The following FKBP11 variants were observed in gnomAD, a reference collection of about 807,000 sequenced individuals.
FKBP11 encodes the protein peptidyl-prolyl cis-trans isomerase FKBP11.
FKBP11 carries 21 observed loss-of-function variants against 24.7 expected under a neutral mutation model. The ratio of observed to expected loss-of-function variants is 0.85; its 90% confidence interval spans 0.60 to 1.23. The LOEUF is 1.23. Ranked by LOEUF, FKBP11 falls within the 50% of genes most tolerant of loss-of-function variation. The probability of loss-of-function intolerance (pLI) is 0.00; values close to 1 mark genes in which losing one functional copy is unlikely to be tolerated. For synonymous variants in FKBP11, 106 were observed against 100.6 expected (o/e 1.05, Z -0.32); for missense variants, 245 against 248.7 (o/e 0.99, Z 0.10).
chr12:48,924,564 G>T lies in FKBP11; in HGVS notation c.280C>A (p.Pro94Thr). ...VIELGQKQVI[P>T]GLEQSLLDMC... ...ATGGGAGGCACAGGTCACATACCTG[G>T]AATCACCTGCTTTTGGCCAAGTTCT... The change falls in exon 3 of 6, where the codon CCA becomes ACA. Residue 94 changes from proline to threonine, a missense_variant. By Grantham distance (38) the Pro-to-Thr change is conservative. Transcript: ENST00000550765. The T allele has an allele frequency of 1.2e-6, 2 of 1,613,622 alleles. No individual in the cohort carries two copies. Among genetic ancestry groups the T allele is most frequent in the Non-Finnish European group, 1.7e-6 (2 of 1,179,536 alleles).
chr12:48,930,360 G>A (rs1428205914), upstream of FKBP11, among the ~76,000 whole-genome samples: 1 of 152,210 alleles, frequency 6.6e-6, no homozygotes, highest in Non-Finnish European at 1.5e-5. Context: ...AGCTGAGGAT[G>A]GTTACGTTTG....
chr12:48,929,724 T>C (rs959044654), upstream of FKBP11, among the ~76,000 whole-genome samples: 43 of 152,226 alleles, frequency 2.8e-4, no homozygotes, highest in African/African-American at 9.4e-4. Flanking sequence ...ATTGCTAGTA[T>C]AGTGTCTGAC....
intron 5 of FKBP11, 155 bp from the exon 6 acceptor site, chr12:48,922,356 A>G: frequency 2.6e-6 from 2 of 758,296 alleles, no homozygotes; most frequent in Non-Finnish European, 4.0e-6. Context: ...AGACAAGAGT[A>G]GAGGAGGATT....
chr12:48,932,263 T>TATATA, the FKBP11 span, among the ~76,000 whole-genome samples: 3 of 25,048 alleles, frequency 1.2e-4, no homozygotes, highest in African/African-American at 1.7e-4. Flanking sequence ...ATATATATAT[T>TATATA]TTTTTTTTTT....
At chr12:48,934,922 G>A in the FKBP11 span, among the ~76,000 whole-genome samples, 7 of 146,138 alleles carry the variant, frequency 4.8e-5, no homozygotes, top group Non-Finnish European at 1.0e-4. Context: ...TGAAGCAGGA[G>A]AATTGCTTGA....
chr12:48,933,240 A>G, the FKBP11 span, among the ~76,000 whole-genome samples: 8 of 152,132 alleles, frequency 5.3e-5, no homozygotes, highest in African/African-American at 1.9e-4. Flanking sequence ...CATACCAGCA[A>G]TCAGGGTCAG....
At chr12:48,934,001 C>T in the FKBP11 span, among the ~76,000 whole-genome samples, 1 of 152,152 alleles carries the variant, frequency 6.6e-6, no homozygotes, top group South Asian at 2.1e-4. Context: ...CAAAAGGATT[C>T]CACAGCATCC....
the FKBP11 span, chr12:48,937,197 T>A: frequency 6.6e-6 from 1 of 152,248 alleles, no homozygotes; most frequent in African/African-American, 2.4e-5. Flanking sequence ...TATTGATCCA[T>A]CTGCTATCAA....
chr12:48,938,509 C>T, the FKBP11 span: 5 of 451,696 alleles, frequency 1.1e-5, no homozygotes, highest in South Asian at 6.2e-5. Flanking sequence ...CAGAGAGGCC[C>T]GTGCAATTTC....
the FKBP11 span, chr12:48,937,007 C>CA: frequency 6.6e-6 from 1 of 152,194 alleles, no homozygotes; most frequent in African/African-American, 2.4e-5. Flanking sequence ...CCCACAACCA[C>CA]CACACACAAA....
At chr12:48,924,322 T>G in intron 3 of FKBP11, 66 bp from the exon 4 acceptor site, 1 of 1,588,972 alleles carries the variant, frequency 6.3e-7, no homozygotes, top group Non-Finnish European at 8.6e-7. Flanking sequence ...GACATGAAGA[T>G]CAAAGTCTTC....
upstream of FKBP11, among the ~76,000 whole-genome samples, chr12:48,927,231 C>T (rs754105744): frequency 7.9e-5 from 12 of 152,200 alleles, no homozygotes; most frequent in Non-Finnish European, 1.0e-4. Context: ...CCACATCCAA[C>T]GGGTCTACTC....
In FKBP11 at chr12:48,923,836, T is replaced by C. The variant is rs753052551; in HGVS notation, c.334A>G (p.Ile112Val). The C allele has an allele frequency of 9.9e-6, 16 of 1,614,004 alleles. No homozygotes were observed. In the Admixed American group the frequency reaches 1.3e-4, roughly 13 times the overall value. Residue 112 changes from isoleucine (I) to valine (V), a missense_variant, in exon 5 of 6, where the codon ATC (isoleucine) becomes GTC (valine). Transcript: ENST00000550765. ...DMCVGEKRRA[I>V]IPSHLAYGKR... ...CCATAGGCCAAGTGAGAAGGAATGA[T>C]TGCCCTTCGCTTCTCTCTGAGGGAA...
chr12:48,923,685 C>A lies in FKBP11; in HGVS notation c.388+97G>T. 4 of 1,588,032 alleles carry A rather than the reference C, an allele frequency of 2.5e-6. No individual in the cohort carries two copies. In the South Asian group the frequency reaches 4.4e-5, roughly 18 times the overall value. Reference sequence around the variant, plus strand: ...TCCTATCTGTCTAAACAAACTTGGTCTGGATCTTCTCAAGCATCAAACAAA... The same window carrying A: ...TCCTATCTGTCTAAACAAACTTGGTATGGATCTTCTCAAGCATCAAACAAA... On this transcript the variant is annotated intron_variant, in intron 5 of 5. Transcript: ENST00000550765.
chr12:48,923,072 C>G (rs1482460119), intron 5 of FKBP11: 1 of 860,300 alleles, frequency 1.2e-6, no homozygotes, highest in South Asian at 1.7e-5. Flanking sequence ...TGCTTGAACC[C>G]GGGTGGCGGA....
upstream of FKBP11, among the ~76,000 whole-genome samples, chr12:48,927,367 A>G (rs919004591): frequency 2.6e-5 from 4 of 152,114 alleles, no homozygotes; most frequent in African/African-American, 9.7e-5. Flanking sequence ...AAGTCCCCTC[A>G]GCAGGAGGGA....
rs956303376 is a variant in FKBP11, at chr12:48,924,988, T to G, written c.195+58A>C. Reference sequence around the variant, plus strand: ...CCACGTGTCCAAGCCAAAGCTGACGTGTTTCAGCAGGGCGCCGCCCCCTCC... The same window carrying G: ...CCACGTGTCCAAGCCAAAGCTGACGGGTTTCAGCAGGGCGCCGCCCCCTCC... On this transcript the variant is annotated intron_variant, in intron 2 of 5. Transcript: ENST00000550765. 32 of 1,563,716 alleles carry G rather than the reference T, an allele frequency of 2.0e-5. No homozygotes were observed. The Middle Eastern group carries it at 1.1e-3, about 53-fold the overall frequency.
At chr12:48,923,646 G>C (rs1330704325) in intron 5 of FKBP11, 136 bp downstream of exon 5, 1 of 1,570,784 alleles carries the variant, frequency 6.4e-7, no homozygotes. Context: ...CCTGTAGATG[G>C]AGGCCCCAGC....
rs1241649917 is a variant in FKBP11, at chr12:48,925,316, AGGGTCCGGACGG to A, written c.101_112del (p.Pro34_Thr37del). 10 of 1,611,778 alleles carry A rather than the reference AGGGTCCGGACGG, an allele frequency of 6.2e-6. No homozygotes were observed. The highest frequency in any genetic ancestry group is 5.1e-6 in the Non-Finnish European group (6 of 1,179,486). On this transcript the variant is annotated inframe_deletion, in exon 1 of 6. Coordinates refer to ENST00000550765, the MANE Select transcript of FKBP11 (RefSeq NM_016594.3). Reference sequence around the variant, plus strand: ...TCTCCTCACCAGGGTCTCCACTTGGAGGGTCCGGACGGGACTTTCGGTTTCGAGCCCAGCCTC... The same window carrying A: ...TCTCCTCACCAGGGTCTCCACTTGGAGACTTTCGGTTTCGAGCCCAGCCTC...
Sources: allele counts gnomAD v4.1 joint callset (sites outside exome capture counted in the v4.1 genomes callset), GRCh38; gene constraint gnomAD v4.1.1; transcripts MANE v1.5; gene names NCBI Gene and HGNC (gene_info 2026-07-23, HGNC 2026-07-21).